The following APC variants were observed in gnomAD, a reference collection of about 807,000 sequenced individuals.
APC encodes the protein adenomatous polyposis coli protein.
Under a neutral mutation model 247.0 loss-of-function variants are expected in APC, and 72 were observed. The ratio of observed to expected loss-of-function variants is 0.29; its 90% CI spans 0.24 to 0.35. The LOEUF (loss-of-function observed/expected upper bound fraction) is 0.35, where lower values mean the gene tolerates loss of function less well. Ranked by LOEUF, APC falls within the 10% of genes least tolerant of loss-of-function variation. The pLI is 1.00. For synonymous variants in APC, 1,254 were observed against 1,162.5 expected (o/e 1.08, Z -1.60); for missense variants, 3,400 against 3,360.7 (o/e 1.01, Z -0.29).
Position 112,821,099 on chromosome 5 carries a change from G to A in APC, c.1313-797G>A, listed in dbSNP as rs115625183. On this transcript the variant is annotated intron_variant, in intron 10 of 15. Transcript: ENST00000257430. ...TCCCAGGCTGGTCTTGAACTCCTTG[G>A]GCTCAAGGATCTGCTCACTTCAGCC... Among the ~76,000 whole-genome samples, 635 of 150,540 alleles carry A rather than the reference G, an allele frequency of 4.2e-3. 4 individuals are homozygous for A. The highest frequency in any genetic ancestry group is 0.015 in the African/African-American group (605 of 40,826).
intron 1 of APC, 123 bp from the exon 2 acceptor site, chr5:112,754,750 A>G (rs552541168): frequency 6.9e-5 from 59 of 858,576 alleles, no homozygotes; most frequent in Middle Eastern, 6.6e-4. Flanking sequence ...ACCAAAAACT[A>G]GCATATTAAC....
chr5:112,749,874 G>T (rs892219712), intron 1 of APC, among the ~76,000 whole-genome samples: 1 of 146,868 alleles, frequency 6.8e-6, no homozygotes, highest in Non-Finnish European at 1.5e-5. Context: ...ATGTTTGGAG[G>T]TTGTTTTCTT....
At chr5:112,771,260 G>A (rs763617316) in intron 4 of APC, among the ~76,000 whole-genome samples, 1 of 151,842 alleles carries the variant, frequency 6.6e-6, no homozygotes, top group South Asian at 2.1e-4. Flanking sequence ...TTATGTTTTC[G>A]GGAGCAGAAA....
At chr5:112,822,667 T>A (rs920338631) in intron 11 of APC, among the ~76,000 whole-genome samples, 1 of 152,174 alleles carries the variant, frequency 6.6e-6, no homozygotes, top group Non-Finnish European at 1.5e-5. Flanking sequence ...TATTTATAAA[T>A]TGCATCATGC....
intron 14 of APC, among the ~76,000 whole-genome samples, chr5:112,833,349 AT>A (rs1561565045): frequency 6.6e-6 from 1 of 151,806 alleles, no homozygotes; most frequent in Non-Finnish European, 1.5e-5. Flanking sequence ...CACCGGGCTA[AT>A]TTTTTGTATT....
intron 1 of APC, among the ~76,000 whole-genome samples, chr5:112,751,760 T>A (rs1357793296): frequency 1.3e-5 from 2 of 151,972 alleles, no homozygotes; most frequent in Non-Finnish European, 2.9e-5. Flanking sequence ...CCTTTCTAAT[T>A]TTTTTCTAAT....
chr5:112,800,907 G>A (rs1760747076), intron 7 of APC, among the ~76,000 whole-genome samples: 1 of 152,110 alleles, frequency 6.6e-6, no homozygotes, highest in Non-Finnish European at 1.5e-5. Flanking sequence ...TAGTTTAACT[G>A]TTGTATTTGC....
At chr5:112,734,048 T>C (rs570413741), upstream of APC, among the ~76,000 whole-genome samples, 9 of 152,282 alleles carry the variant, frequency 5.9e-5, 1 homozygote, top group South Asian at 1.9e-3. Flanking sequence ...TATCTCCCAG[T>C]CCTGTGTGGC....
At chr5:112,836,179 C>T (rs868016517) in intron 15 of APC, among the ~76,000 whole-genome samples, 2 of 64,866 alleles carry the variant, frequency 3.1e-5, no homozygotes, top group Non-Finnish European at 7.0e-5. Flanking sequence ...CCCCCCCCCC[C>T]GCCACCGTGC....
chr5:112,809,188 C>CA (rs1258139584), intron 8 of APC, among the ~76,000 whole-genome samples: 24 of 133,342 alleles, frequency 1.8e-4, no homozygotes, highest in Non-Finnish European at 3.0e-4. Flanking sequence ...CCTGTCTCTA[C>CA]AAAAAATACA....
chr5:112,715,088 A>G (rs1296397667), intron 1 of APC, among the ~76,000 whole-genome samples: 8 of 152,226 alleles, frequency 5.3e-5, no homozygotes, highest in Admixed American at 4.6e-4. Context: ...CCACTAAAGC[A>G]TGTATATGAT....
intron 2 of APC, 84 bp downstream of exon 2, chr5:112,755,109 T>C (rs2149739669): frequency 6.4e-7 from 1 of 1,571,742 alleles, no homozygotes; most frequent in East Asian, 2.3e-5. Flanking sequence ...GACACTTTAC[T>C]TAAAAGTGTA....
chr5:112,737,303 A>C (rs1433411610), upstream of APC, among the ~76,000 whole-genome samples: 3 of 152,168 alleles, frequency 2.0e-5, no homozygotes, highest in Non-Finnish European at 4.4e-5. Flanking sequence ...GACAGGAGTA[A>C]AGCTTCAACT....
Position 112,839,072 on chromosome 5 carries a change from A to G in APC, c.3478A>G (p.Thr1160Ala), listed in dbSNP as rs750054763. The change falls in exon 16 of 16, where the codon ACA becomes GCA. Residue 1160 changes from threonine (T) to alanine (A), a missense_variant. Physicochemically the swap from Thr to Ala is moderately conservative, Grantham distance 58. Coordinates refer to ENST00000257430, the MANE Select transcript of APC (RefSeq NM_000038.6). This position sits in a 1 kb window ranked among gnomAD's most constrained non-coding sequence, Gnocchi z 5.0. ...ACAGCATGAAGAAGAAGAGAGACCA[A>G]CAAATTATAGCATAAAATATAATGA... ...EEQHEEEERPTNYSIKYNEEK... is the reference protein window; with the variant it reads ...EEQHEEEERPANYSIKYNEEK... The G allele has an allele frequency of 1.9e-6, 3 of 1,614,142 alleles. No individual in the cohort carries two copies. In the East Asian group the frequency reaches 6.7e-5, roughly 36 times the overall value.
In APC at chr5:112,835,535, A is replaced by C; in HGVS notation, c.1958+370A>C. 1.3e-5 allele frequency among the ~76,000 whole-genome samples: 2 copies of C among 151,854 alleles called. 1 individual carries two copies. Among genetic ancestry groups the C allele is most frequent in the Non-Finnish European group, 2.9e-5 (2 of 67,956 alleles). ...CGTGATCCAGAGAATATAAAGGTTC[A>C]CATTTTTCTAATGATGTCTTAGTAT... On this transcript the variant is annotated intron_variant, in intron 15 of 15. Transcript: ENST00000257430.
chr5:112,786,687 T>G lies in APC; in HGVS notation c.646-5759T>G, dbSNP rs190232715. ...TAATTTTTCAGTTAAAAACAGCACATGTACCCTAAAACTTAAAGTATTAAA... is the reference window on the plus strand; with the variant it reads ...TAATTTTTCAGTTAAAAACAGCACAGGTACCCTAAAACTTAAAGTATTAAA... On this transcript the variant is annotated intron_variant, in intron 6 of 15. Transcript: ENST00000257430. 2.0e-4 allele frequency among the ~76,000 whole-genome samples: 31 copies of G among 152,254 alleles called. No homozygotes were observed. In the East Asian group the frequency reaches 5.8e-3, roughly 28 times the overall value.
chr5:112,822,117 T>G (rs1221776326), intron 11 of APC, 126 bp downstream of exon 11: 1 of 692,572 alleles, frequency 1.4e-6, no homozygotes, highest in African/African-American at 1.8e-5. Flanking sequence ...GCCACCAACT[T>G]CTGTTATCAG....
chr5:112,789,991 C>G (rs1356630732), intron 6 of APC, among the ~76,000 whole-genome samples: 1 of 152,090 alleles, frequency 6.6e-6, no homozygotes, highest in Admixed American at 6.6e-5. Context: ...TCCCAAGTCA[C>G]TGGGACTACA....
At chr5:112,796,380 T>G (rs1760216441) in intron 7 of APC, among the ~76,000 whole-genome samples, 1 of 152,082 alleles carries the variant, frequency 6.6e-6, no homozygotes, top group Admixed American at 6.5e-5. Flanking sequence ...TCAAAAAACA[T>G]TTTCATCCAT....
Sources: gnomAD v4.1 joint callset for allele counts (sites outside exome capture counted in the v4.1 genomes callset) on GRCh38, gnomAD v4.1.1 for gene constraint, Gnocchi (gnomAD v3.1) non-coding constraint, MANE v1.5 for transcripts, NCBI Gene and HGNC (gene_info 2026-07-23, HGNC 2026-07-21) for gene names.